Variants in NCKAP5 observed in about 807,000 individuals in gnomAD.
NCKAP5 encodes the protein NCK associated protein 5.
In NCKAP5, 92 loss-of-function variants were observed where a neutral mutation model predicts 167.0. The observed-to-expected ratio is 0.55, with a 90% confidence interval of 0.47 to 0.66. NCKAP5 has a LOEUF of 0.66. NCKAP5 is among the 30% of genes least tolerant of loss of function. The pLI, the probability that NCKAP5 is intolerant of heterozygous loss-of-function variation, is 0.00. For missense variants in NCKAP5, 2,378 were observed against 2,315.0 expected (o/e 1.03, Z -0.56); for synonymous variants, 891 against 877.4 (o/e 1.02, Z -0.27).
At chr2:132,771,800 G>C (rs993028247) in intron 16 of NCKAP5, among the ~76,000 whole-genome samples, 1 of 149,552 alleles carries the variant, frequency 6.7e-6, no homozygotes, top group African/African-American at 2.5e-5. Context: ...AGCCTCCTGA[G>C]TAGCTGGGAC....
intron 7 of NCKAP5, among the ~76,000 whole-genome samples, chr2:132,993,851 C>A (rs1369743450): frequency 6.6e-6 from 1 of 152,232 alleles, no homozygotes; most frequent in Non-Finnish European, 1.5e-5. Context: ...GTACACACCT[C>A]TCTTTTAGTC....
chr2:133,193,380 G>A (rs2085310914), intron 5 of NCKAP5, among the ~76,000 whole-genome samples: 1 of 151,864 alleles, frequency 6.6e-6, no homozygotes, highest in Admixed American at 6.6e-5. Context: ...TTTTCAAAGT[G>A]TTGCCATGGG....
At chr2:133,615,216 C>T in the NCKAP5 span, among the ~76,000 whole-genome samples, 5 of 152,066 alleles carry the variant, frequency 3.3e-5, no homozygotes, top group Middle Eastern at 3.2e-3. Context: ...TAAAGACCAT[C>T]GAGGTTAGGA....
At chr2:133,618,010 A>G in the NCKAP5 span, among the ~76,000 whole-genome samples, 1 of 152,060 alleles carries the variant, frequency 6.6e-6, no homozygotes, top group Non-Finnish European at 1.5e-5. Flanking sequence ...CATATCTACA[A>G]CTATCTGATC....
At chr2:133,310,605 C>G (rs1378479857) in intron 3 of NCKAP5, among the ~76,000 whole-genome samples, 2 of 152,220 alleles carry the variant, frequency 1.3e-5, no homozygotes, top group African/African-American at 4.8e-5. Context: ...TGCTCAATCA[C>G]GCTCTGCAGG....
chr2:133,520,734 C>G (rs2104769506), intron 2 of NCKAP5, among the ~76,000 whole-genome samples: 1 of 152,244 alleles, frequency 6.6e-6, no homozygotes, highest in Non-Finnish European at 1.5e-5. Context: ...GCTGATTTAA[C>G]AGCTTTCCAA....
At chr2:132,959,675 A>T (rs939753801) in intron 8 of NCKAP5, among the ~76,000 whole-genome samples, 1 of 152,206 alleles carries the variant, frequency 6.6e-6, no homozygotes, top group East Asian at 1.9e-4. Context: ...GGAAGACTCC[A>T]GATGAAGCCA....
intron 3 of NCKAP5, among the ~76,000 whole-genome samples, chr2:133,418,933 A>G (rs1157693773): frequency 1.3e-5 from 2 of 152,208 alleles, no homozygotes; most frequent in African/African-American, 2.4e-5. Context: ...GAAAGAAAAA[A>G]AGCCTTCTAC....
intron 6 of NCKAP5, among the ~76,000 whole-genome samples, chr2:133,078,492 C>A (rs1382247424): frequency 6.6e-6 from 1 of 152,100 alleles, no homozygotes; most frequent in Non-Finnish European, 1.5e-5. Flanking sequence ...GAGATTCCCC[C>A]AGGACCTCTG....
At chr2:132,955,309 G>A (rs552934376) in intron 8 of NCKAP5, among the ~76,000 whole-genome samples, 1 of 152,270 alleles carries the variant, frequency 6.6e-6, no homozygotes, top group Admixed American at 6.5e-5. Flanking sequence ...AGAGCACTTT[G>A]GATGATGACC....
At chr2:132,854,544 CT>C (rs1182317406) in intron 11 of NCKAP5, among the ~76,000 whole-genome samples, 1 of 152,210 alleles carries the variant, frequency 6.6e-6, no homozygotes, top group African/African-American at 2.4e-5. Context: ...GGCATTTATA[CT>C]TTCTCTTGTC....
intron 9 of NCKAP5, among the ~76,000 whole-genome samples, chr2:132,877,344 T>C (rs1002312880): frequency 6.6e-6 from 1 of 152,216 alleles, no homozygotes; most frequent in Non-Finnish European, 1.5e-5. Context: ...TTAACATATC[T>C]AATATTAAAC....
chr2:132,895,863 A>G, intron 8 of NCKAP5, among the ~76,000 whole-genome samples: 1 of 151,092 alleles, frequency 6.6e-6, no homozygotes, highest in South Asian at 2.1e-4. Flanking sequence ...GGCCAGGCGC[A>G]GTGGCCCATG....
chr2:132,920,727 ATATATG>A (rs1558942817), intron 8 of NCKAP5, among the ~76,000 whole-genome samples: 1 of 113,602 alleles, frequency 8.8e-6, no homozygotes, highest in African/African-American at 3.8e-5. Flanking sequence ...ATGTATATAT[ATATATG>A]TATATATATG....
chr2:133,524,637 T>C (rs1295089158), intron 2 of NCKAP5, among the ~76,000 whole-genome samples: 1 of 152,150 alleles, frequency 6.6e-6, no homozygotes, highest in Non-Finnish European at 1.5e-5. Context: ...CTGCTCTCCA[T>C]GTGCACCTAG....
chr2:133,296,616 T>A (rs1679979889), intron 4 of NCKAP5, among the ~76,000 whole-genome samples: 1 of 152,232 alleles, frequency 6.6e-6, no homozygotes, highest in Admixed American at 6.5e-5. Context: ...AAAACATGTG[T>A]TTTATAAATG....
chr2:133,466,918 A>G (rs1692642211), intron 3 of NCKAP5, among the ~76,000 whole-genome samples: 1 of 152,140 alleles, frequency 6.6e-6, no homozygotes, highest in Non-Finnish European at 1.5e-5. Context: ...GGGCTGAGAT[A>G]ATGGGTTTTC....
At chr2:133,072,888 A>G (rs1372210754) in intron 6 of NCKAP5, among the ~76,000 whole-genome samples, 8 of 152,180 alleles carry the variant, frequency 5.3e-5, no homozygotes, top group Admixed American at 5.2e-4. Flanking sequence ...CAAAACACTT[A>G]TTTAAAAACC....
intron 3 of NCKAP5, among the ~76,000 whole-genome samples, chr2:133,337,618 C>T (rs979302259): frequency 1.3e-5 from 2 of 152,010 alleles, no homozygotes; most frequent in African/African-American, 4.8e-5. Context: ...AGGACATTAC[C>T]AGAGAGAGAC....
Sources: allele counts gnomAD v4.1 joint callset (sites outside exome capture counted in the v4.1 genomes callset), GRCh38; gene constraint gnomAD v4.1.1; transcripts MANE v1.5; gene names NCBI Gene and HGNC (gene_info 2026-07-23, HGNC 2026-07-21).